GGT5: variants seen among roughly 807,000 people sequenced by gnomAD.
GGT5 encodes glutathione hydrolase 5 proenzyme.
GGT5 carries 50 observed loss-of-function variants against 58.1 expected under a neutral mutation model. The observed-to-expected ratio is 0.86, with a 90% CI of 0.69 to 1.09. GGT5 has a LOEUF of 1.09. Among genes scored for constraint, GGT5 ranks in the 50% least tolerant of loss-of-function variants. GGT5 has a pLI of 0.00. For synonymous variants in GGT5, 370 were observed against 346.1 expected, an observed-to-expected ratio of 1.07 and a Z score of -0.77; for missense variants, 800 against 789.4, an observed-to-expected ratio of 1.01 and a Z score of -0.16.
chr22:24,223,783 A>C (rs1440656380), intron 11 of GGT5, among the ~76,000 whole-genome samples: 1 of 83,884 alleles, frequency 1.2e-5, no homozygotes. Flanking sequence ...TTTTTTTGAG[A>C]TGGAGTTTTG....
chr22:24,223,584 G>C (rs1222378875), intron 11 of GGT5, among the ~76,000 whole-genome samples: 1 of 151,880 alleles, frequency 6.6e-6, no homozygotes, highest in Admixed American at 6.6e-5. Context: ...AACAGGCTGA[G>C]GTCCTTAGTC....
intron 1 of GGT5, chr22:24,241,078 A>G (rs930726896): frequency 6.7e-6 from 1 of 149,428 alleles, no homozygotes. Flanking sequence ...AATCGCTTGA[A>G]CCCAGGAGGT....
chr22:24,240,142 A>T (rs2048289756), intron 1 of GGT5, among the ~76,000 whole-genome samples: 1 of 152,230 alleles, frequency 6.6e-6, no homozygotes, highest in Admixed American at 6.5e-5. Context: ...GACTTTGATA[A>T]GTGAAGGATG....
intron 6 of GGT5, among the ~76,000 whole-genome samples, chr22:24,228,785 C>T (rs1055054448): frequency 3.3e-5 from 5 of 151,502 alleles, no homozygotes; most frequent in Non-Finnish European, 7.4e-5. Context: ...GCTATGAGGA[C>T]GCAAAGGAAT....
rs1268206493 is a variant in GGT5 at position 24,232,902 on chromosome 22, C to A, written c.517G>T (p.Gly173Trp). Reference protein sequence around the residue: ...FQPTIALLRGGHVVAPVLSRF... With the variant: ...FQPTIALLRGWHVVAPVLSRF... Reference sequence around the variant, plus strand: ...CTGAGGACAGGGGCCACCACATGCCCCCCTCGGAGCAGCGCGATGGTGGGC... The same window carrying A: ...CTGAGGACAGGGGCCACCACATGCCACCCTCGGAGCAGCGCGATGGTGGGC... Residue 173 changes from glycine (G) to tryptophan (W), a missense_variant, in exon 4 of 12, where the codon GGG becomes TGG. Gly to Trp is a radical substitution (Grantham distance 184). Transcript: ENST00000327365. The A allele has an allele frequency of 3.8e-6, 6 of 1,583,622 alleles. No individual in the cohort carries two copies. In the East Asian group the frequency reaches 1.4e-4, roughly 36 times the overall value.
intron 6 of GGT5, among the ~76,000 whole-genome samples, chr22:24,230,307 G>C (rs1165501436): frequency 6.6e-6 from 1 of 151,876 alleles, no homozygotes; most frequent in African/African-American, 2.4e-5. Flanking sequence ...GGCAGAGGTT[G>C]CAGTGAGCTG....
At chr22:24,223,755 T>A (rs1010905767) in intron 11 of GGT5, among the ~76,000 whole-genome samples, 2 of 95,798 alleles carry the variant, frequency 2.1e-5, no homozygotes, top group Admixed American at 1.9e-4. Flanking sequence ...GCTATCAATC[T>A]TTTTTTTTTT....
At position 24,231,462 on chromosome 22, in the gene GGT5, G is replaced by T; in HGVS notation, c.823C>A (p.Leu275Met). Residue 275 changes from leucine to methionine, a missense_variant, in exon 6 of 12, where the codon CTG becomes ATG. Leu to Met is a conservative substitution (Grantham distance 15, BLOSUM62 2). Transcript: ENST00000327365. Reference protein sequence around the residue: ...PEVVDALEVPLGDYTLYSPPP... With the variant: ...PEVVDALEVPMGDYTLYSPPP... ...GGTGAGTACAGGGTATAGTCCCCCAGGGGCACCTCCAGGGCATCCACCACC... is the reference window on the plus strand; with the variant it reads ...GGTGAGTACAGGGTATAGTCCCCCATGGGCACCTCCAGGGCATCCACCACC... 1 of 1,574,480 alleles carries T rather than the reference G, an allele frequency of 6.4e-7. No homozygotes were observed. The highest frequency in any genetic ancestry group is 1.4e-5 in the African/African-American group (1 of 74,016).
chr22:24,240,730 C>A (rs551709126), intron 1 of GGT5, among the ~76,000 whole-genome samples: 14 of 152,174 alleles, frequency 9.2e-5, no homozygotes, highest in South Asian at 2.1e-4. Context: ...TGGGCTTCAG[C>A]GACCCACTCA....
At chr22:24,220,465 A>G (rs928655973) in intron 11 of GGT5, 4 of 481,424 alleles carry the variant, frequency 8.3e-6, no homozygotes, top group Non-Finnish European at 1.6e-5. Context: ...AGATTTAGAC[A>G]CTGAGGCCAG....
Position 24,221,582 on chromosome 22 carries a change from G to A in GGT5, c.1615-1466C>T, listed in dbSNP as rs117966628. Among the ~76,000 whole-genome samples, 1,512 of 152,330 alleles carry A rather than the reference G, an allele frequency of 9.9e-3. 9 individuals carry two copies. The highest frequency in any genetic ancestry group is 0.02 in the Middle Eastern group (6 of 294). ...TGCTGGCGTGCAATGGCACGACCTT[G>A]GCTCACTGCAACTTCCCCTCCCAGG... On this transcript the variant is annotated intron_variant, in intron 11 of 11. Coordinates refer to ENST00000327365, the MANE Select transcript of GGT5 (RefSeq NM_004121.5).
At position 24,226,195 on chromosome 22, in the gene GGT5, GT is replaced by G. The variant is rs1160877338; in HGVS notation, c.1109del (p.Asp370AlafsTer77). ...LIRQQIDGRG[D>X]HQLSHYSLAE... ...CCAAGCTGTAGTGGCTGAGCTGGTG[GT>G]CCCCCCGGCCATCGATCTGTTGGCG... On this transcript the variant is annotated frameshift_variant, in exon 8 of 12. Transcript: ENST00000327365. LOFTEE classifies it high-confidence loss of function. The G allele has an allele frequency of 6.2e-7, 1 of 1,610,124 alleles. No homozygotes were observed. Among genetic ancestry groups the G allele is most frequent in the East Asian group, 2.2e-5 (1 of 44,844 alleles).
rs555231734 is a variant in GGT5, at chr22:24,229,396, ACT to A, written c.901+1986_901+1987del. ...ACTCCAGCCTTGGCGACAGAGCGAG[ACT>A]CTGTCTCAGAGGAAAAGAAAAATGC... On this transcript the variant is annotated intron_variant, in intron 6 of 11. Transcript: ENST00000327365. Among the ~76,000 whole-genome samples, 283 of 151,194 alleles carry A rather than the reference ACT, an allele frequency of 1.9e-3. 1 individual carries two copies. The highest frequency in any genetic ancestry group is 3.2e-3 in the Non-Finnish European group (217 of 67,864).
At chr22:24,228,263 C>A (rs539194423) in intron 6 of GGT5, among the ~76,000 whole-genome samples, 8 of 151,926 alleles carry the variant, frequency 5.3e-5, no homozygotes, top group Admixed American at 3.9e-4. Flanking sequence ...AGTGCCACTG[C>A]ACTCCAGCCC....
chr22:24,238,856 TATATATATA>T (rs2048215654), intron 1 of GGT5, among the ~76,000 whole-genome samples: 9 of 10,932 alleles, frequency 8.2e-4, no homozygotes, highest in South Asian at 2.3e-3. Context: ...TTATATATAT[TATATATATA>T]ATATATATAA....
At chr22:24,231,353 T>A in intron 6 of GGT5, 31 bp downstream of exon 6, 1 of 1,307,718 alleles carries the variant, frequency 7.6e-7, no homozygotes, top group Non-Finnish European at 1.0e-6. Flanking sequence ...GGGGAGGGGG[T>A]GGGCGCCAGG....
Position 24,226,055 on chromosome 22 carries a change from CT to C in GGT5, c.1229+20del. On this transcript the variant is annotated intron_variant, in intron 8 of 11. Coordinates refer to ENST00000327365, the MANE Select transcript of GGT5 (RefSeq NM_004121.5). Reference sequence around the variant, plus strand: ...GGAGAGGAGGAGTGAAGCCATCCGCCTTCCCCCAGGCCCTACGCACGGTGTG... The same window carrying C: ...GGAGAGGAGGAGTGAAGCCATCCGCCTCCCCCAGGCCCTACGCACGGTGTG... 1 of 1,529,198 alleles carries C rather than the reference CT, an allele frequency of 6.5e-7. No individual in the cohort carries two copies. Among genetic ancestry groups the C allele is most frequent in the Non-Finnish European group, 8.8e-7 (1 of 1,130,974 alleles). 94.7% of individuals were successfully genotyped at this position (1,529,198 alleles called of 1,614,324 possible).
At chr22:24,231,313 G>T in intron 6 of GGT5, 71 bp downstream of exon 6, 2 of 1,105,068 alleles carry the variant, frequency 1.8e-6, no homozygotes, top group African/African-American at 1.6e-5. Flanking sequence ...CTTGGGCTTG[G>T]AGTCTGAGTT....
rs143346756 is a variant in GGT5, at chr22:24,233,937, C to T, written c.241G>A (p.Val81Ile). The change falls in exon 2 of 12, where the codon GTC becomes ATC. Residue 81 changes from valine (V) to isoleucine (I), a missense_variant. Val to Ile is a conservative substitution (Grantham distance 29, BLOSUM62 3). Transcript: ENST00000327365. ...CCCAGGCCCATGCTCTGAGGGTTGA[C>T]GACGCTGGTGCAGACCAGAGCCGCG... Reference protein sequence around the residue: ...TIAALVCTSVVNPQSMGLGGG... With the variant: ...TIAALVCTSVINPQSMGLGGG... 6.3e-5 allele frequency: 102 copies of T among 1,613,608 alleles called. No homozygotes were observed. Among genetic ancestry groups the T allele is most frequent in the Non-Finnish European group, 7.8e-5 (92 of 1,179,592 alleles).
Sources: gnomAD v4.1 joint callset for allele counts (sites outside exome capture counted in the v4.1 genomes callset) on GRCh38, gnomAD v4.1.1 for gene constraint, MANE v1.5 for transcripts, NCBI Gene and HGNC (gene_info 2026-07-23, HGNC 2026-07-21) for gene names.